The following CIZ1 variants were observed in gnomAD, a reference collection of about 807,000 sequenced individuals.
CIZ1 encodes the protein cip1-interacting zinc finger protein.
In CIZ1, 58 loss-of-function variants were observed where a neutral mutation model predicts 118.6. That is an observed-to-expected ratio of 0.49 (90% confidence interval 0.40 to 0.61). The LOEUF is 0.61. CIZ1 is among the 20% of genes least tolerant of loss of function. The pLI is 0.00. For synonymous variants in CIZ1, 448 were observed against 443.4 expected (o/e 1.01, Z -0.13); for missense variants, 921 against 1,115.9 (o/e 0.83, Z 2.49).
At position 128,191,554 on chromosome 9, in the gene CIZ1, G is replaced by A. The variant is rs931834442; in HGVS notation, c.-128C>T. ...TCCCGGCCTCCCCGCTGCTACTCCG[G>A]GGCCTGTGGGCTCGTAAGGCCCAAA... is the stretch of plus-strand genomic sequence containing the variant. On this transcript the variant is annotated 5_prime_UTR_variant, in exon 1 of 17. Coordinates refer to ENST00000372938, the MANE Select transcript of CIZ1 (RefSeq NM_001131016.2). This position sits in a 1 kb window ranked among gnomAD's most constrained non-coding sequence, Gnocchi z 5.5. The A allele has an allele frequency of 3.7e-6, 4 of 1,071,188 alleles. No homozygotes were observed. The highest frequency in any genetic ancestry group is 1.2e-4 in the East Asian group (2 of 16,624). The allele number at this position is 1,071,188 out of a possible 1,614,324, so 66.4% of individuals were successfully genotyped here.
chr9:128,179,127 C>A lies in CIZ1; in HGVS notation c.1080G>T (p.Gln360His), dbSNP rs759661743. ...SPEHLVLQQK[Q>H]VQPQLQQEAE... ...CCTCCTGCTGCAGCTGTGGCTGCACCTGCTTCTGTTGCAGCACTAAGTGCT... is the reference window on the plus strand; with the variant it reads ...CCTCCTGCTGCAGCTGTGGCTGCACATGCTTCTGTTGCAGCACTAAGTGCT... Residue 360 changes from glutamine (Q) to histidine (H), a missense_variant, in exon 8 of 17, where the codon CAG becomes CAT. Gln to His is a conservative substitution (Grantham distance 24). Transcript: ENST00000372938. 1.2e-6 allele frequency: 2 copies of A among 1,614,132 alleles called. No individual in the cohort carries two copies. Among genetic ancestry groups the A allele is most frequent in the African/African-American group, 2.7e-5 (2 of 75,046 alleles).
chr9:128,182,444 T>C (rs1487269679), intron 5 of CIZ1, among the ~76,000 whole-genome samples: 2 of 151,934 alleles, frequency 1.3e-5, no homozygotes, highest in Admixed American at 1.3e-4. Context: ...CCTGGCCCAG[T>C]GGGGTCCTTC....
rs756660946 is a variant in CIZ1 at position 128,180,738 on chromosome 9, C to T, written c.665G>A (p.Arg222Gln). The T allele has an allele frequency of 1.3e-5, 21 of 1,608,392 alleles. No individual in the cohort carries two copies. The East Asian group carries it at 1.3e-4, about 10-fold the overall frequency. Reference protein sequence around the residue: ...PEGSEEAAEPRMDTPEDQDLP... With the variant: ...PEGSEEAAEPQMDTPEDQDLP... Reference sequence around the variant, plus strand: ...TCCCTCACCTTCTGGTGTGTCCATCCGGGGCTCTGCGGCTTCCTCAGACCC... The same window carrying T: ...TCCCTCACCTTCTGGTGTGTCCATCTGGGGCTCTGCGGCTTCCTCAGACCC... Residue 222 changes from arginine (R) to glutamine (Q), a missense_variant, in exon 6 of 17, where the codon CGG (arginine) becomes CAG (glutamine). By Grantham distance (43) the Arg-to-Gln change is conservative. Coordinates refer to ENST00000372938, the MANE Select transcript of CIZ1 (RefSeq NM_001131016.2).
chr9:128,201,986 C>T (rs1474191884), intron 1 of CIZ1, among the ~76,000 whole-genome samples: 1 of 152,224 alleles, frequency 6.6e-6, no homozygotes, highest in East Asian at 1.9e-4. Flanking sequence ...CCCCTGCTTT[C>T]TTGCTCTGCA....
chr9:128,188,460 T>C (rs1832718636), intron 3 of CIZ1, among the ~76,000 whole-genome samples: 1 of 152,172 alleles, frequency 6.6e-6, no homozygotes, highest in Non-Finnish European at 1.5e-5. Context: ...TTTTTTCCAC[T>C]TTAAAGAGTG....
At chr9:128,191,791 C>G, upstream of CIZ1, 1 of 1,433,472 alleles carries the variant, frequency 7.0e-7, no homozygotes, top group Non-Finnish European at 9.1e-7. This position sits in a 1 kb window ranked among gnomAD's most constrained non-coding sequence, Gnocchi z 5.5. Context: ...GTCCGTCTGC[C>G]GCCCGGAAGG....
intron 5 of CIZ1, among the ~76,000 whole-genome samples, chr9:128,181,815 T>G (rs1831683065): frequency 6.6e-6 from 1 of 151,298 alleles, no homozygotes; most frequent in Admixed American, 6.6e-5. Flanking sequence ...GAGAAGACTC[T>G]GCTCCTCCAC....
chr9:128,203,426 G>A lies in CIZ1; in HGVS notation c.-6+760C>T. 7.1e-7 allele frequency: 1 copy of A among 1,413,228 alleles called. No homozygotes were observed. The highest frequency in any genetic ancestry group is 1.4e-5 in the South Asian group (1 of 70,684). 87.5% of individuals were successfully genotyped at this position (1,413,228 alleles called of 1,614,324 possible). On this transcript the variant is annotated intron_variant, in intron 1 of 17. Transcript: ENST00000372948. The surrounding 1 kb of genome is among the most constrained non-coding windows in gnomAD (Gnocchi z 5.3). ...GGCGGAGCCGGAGTCGGAGCCGGGA[G>A]CGCTAGCGGCAGCCGGATCGCAGCC...
rs770770510 is a variant in CIZ1, at chr9:128,190,432, CGGG to C, written c.180_182del (p.Pro61del). On this transcript the variant is annotated inframe_deletion, in exon 3 of 17. Transcript: ENST00000372938. ...TCAGAAGCGGCTGCTGTGGCTGCTG[CGGG>C]GGGAGCCCCCTGTGTGTTGGGAGGG... The C allele has an allele frequency of 1.2e-6, 2 of 1,612,354 alleles. No individual in the cohort carries two copies. The highest frequency in any genetic ancestry group is 1.7e-6 in the Non-Finnish European group (2 of 1,179,088).
In CIZ1 at chr9:128,166,832, T is replaced by C; in HGVS notation, c.2414A>G (p.His805Arg). The C allele has an allele frequency of 6.2e-7, 1 of 1,614,190 alleles. No homozygotes were observed. Among genetic ancestry groups the C allele is most frequent in the Non-Finnish European group, 8.5e-7 (1 of 1,180,026 alleles). ...CCCTGAGTTGCTGTGATAGAACTTG[T>C]GGCAGATGCGGCAGATATAGCCCAT... ...PVMGYICRIC[H>R]KFYHSNSGAQ... is the part of the protein sequence containing the mutation. Residue 805 changes from histidine to arginine, a missense_variant, in exon 16 of 17, where the codon CAC (histidine) becomes CGC (arginine). By Grantham distance (29) the His-to-Arg change is conservative. Transcript: ENST00000372938. The surrounding 1 kb of genome is among the most constrained non-coding windows in gnomAD (Gnocchi z 4.4).
Position 128,169,099 on chromosome 9 carries a change from C to T in CIZ1, c.2248G>A (p.Asp750Asn), listed in dbSNP as rs1393931557. 3 of 1,613,990 alleles carry T rather than the reference C, an allele frequency of 1.9e-6. No individual in the cohort carries two copies. In the Admixed American group the frequency reaches 5.0e-5, roughly 27 times the overall value. ...FEGDEEEEED[D>N]EDEEEIEVEE... ...ACCTCGATCTCTTCTTCATCCTCAT[C>T]ATCCTCTTCCTCTTCTTCATCACCC... The change falls in exon 14 of 17, where the codon GAT (aspartate) becomes AAT (asparagine). Residue 750 changes from aspartate (D) to asparagine (N), a missense_variant. By Grantham distance (23) the Asp-to-Asn change is conservative. Coordinates refer to ENST00000372938, the MANE Select transcript of CIZ1 (RefSeq NM_001131016.2).
chr9:128,193,214 T>A (rs1387368152), upstream of CIZ1, among the ~76,000 whole-genome samples: 1 of 152,104 alleles, frequency 6.6e-6, no homozygotes, highest in Non-Finnish European at 1.5e-5. Flanking sequence ...CCCGGGGACG[T>A]CGGCGCCTAT....
intron 4 of CIZ1, 47 bp from the exon 5 acceptor site, chr9:128,185,823 G>T: frequency 7.2e-7 from 1 of 1,379,626 alleles, no homozygotes; most frequent in South Asian, 1.2e-5. Context: ...GTGGTCGGGT[G>T]GCAGAAGGTA....
chr9:128,180,845 C>A, intron 5 of CIZ1, 31 bp from the exon 6 acceptor site: 1 of 1,488,268 alleles, frequency 6.7e-7, no homozygotes, highest in Non-Finnish European at 9.3e-7. Flanking sequence ...TGTTGACATC[C>A]AATACCCACC....
upstream of CIZ1, among the ~76,000 whole-genome samples, chr9:128,195,116 T>C (rs1257138901): frequency 1.3e-5 from 2 of 152,112 alleles, no homozygotes; most frequent in African/African-American, 4.8e-5. Flanking sequence ...GCCACCACAT[T>C]CAGCCAAAAC....
intron 14 of CIZ1, chr9:128,167,425 C>A: frequency 4.1e-6 from 2 of 488,708 alleles, no homozygotes; most frequent in African/African-American, 2.0e-5. Context: ...CGCCATAATC[C>A]ACGCCAGGTG....
chr9:128,177,184 G>A (rs1352185664), intron 10 of CIZ1, among the ~76,000 whole-genome samples: 2 of 152,118 alleles, frequency 1.3e-5, no homozygotes, highest in South Asian at 2.1e-4. Context: ...CACTGTGCCC[G>A]ACCCTAAACT....
Position 128,180,480 on chromosome 9 carries a change from T to C in CIZ1, c.726A>G (p.Lys242=). Reference sequence around the variant, plus strand: ...GCTCAGGCTCAGGTGCTGGAGTGCGTTTTTCCTTGGCGATGTCCTCTGGGC... The same window carrying C: ...GCTCAGGCTCAGGTGCTGGAGTGCGCTTTTCCTTGGCGATGTCCTCTGGGC... The part of the protein sequence containing the change: ...PPCPEDIAKE[K]RTPAPEPEPC... The change falls in exon 7 of 17, where the codon AAA becomes AAG. Residue 242 remains lysine, a synonymous_variant. Coordinates refer to ENST00000372938, the MANE Select transcript of CIZ1 (RefSeq NM_001131016.2). The C allele has an allele frequency of 6.2e-7, 1 of 1,613,800 alleles. No individual in the cohort carries two copies. Among genetic ancestry groups the C allele is most frequent in the Non-Finnish European group, 8.5e-7 (1 of 1,179,904 alleles).
At position 128,166,633 on chromosome 9, in the gene CIZ1, G is replaced by A; in HGVS notation, c.2487+126C>T. On this transcript the variant is annotated intron_variant, in intron 16 of 16. Coordinates refer to ENST00000372938, the MANE Select transcript of CIZ1 (RefSeq NM_001131016.2). This position sits in a 1 kb window ranked among gnomAD's most constrained non-coding sequence, Gnocchi z 4.4. ...CCCCAGCTCTAATTCTCTCCCTGTT[G>A]GTGCAGGGGTGGTGCCTGGGGATTG... 8.1e-6 allele frequency: 10 copies of A among 1,232,460 alleles called. No homozygotes were observed. Among genetic ancestry groups the A allele is most frequent in the Non-Finnish European group, 1.1e-5 (9 of 856,726 alleles). 76.3% of individuals were successfully genotyped at this position (1,232,460 alleles called of 1,614,324 possible).
Sources: allele counts gnomAD v4.1 joint callset (sites outside exome capture counted in the v4.1 genomes callset), GRCh38; gene constraint gnomAD v4.1.1; non-coding constraint Gnocchi (gnomAD v3.1); transcripts MANE v1.5; gene names NCBI Gene and HGNC (gene_info 2026-07-23, HGNC 2026-07-21).